Variants in RBMS3 observed in about 807,000 individuals in gnomAD.
RBMS3 encodes the protein RNA binding motif single stranded interacting protein 3.
In RBMS3, 27 loss-of-function variants were observed where a neutral mutation model predicts 66.8. The ratio of observed to expected loss-of-function variants is 0.40; its 90% CI spans 0.30 to 0.56. RBMS3 has a LOEUF of 0.56. Among genes scored for constraint, RBMS3 ranks in the 20% least tolerant of loss-of-function variants. The probability of loss-of-function intolerance (pLI) is 0.40; values close to 1 mark genes in which losing one functional copy is unlikely to be tolerated. For missense variants in RBMS3, 513 were observed against 549.5 expected (o/e 0.93, Z 0.66); for synonymous variants, 188 against 183.0 (o/e 1.03, Z -0.22).
intron 10 of RBMS3, among the ~76,000 whole-genome samples, chr3:29,932,332 G>A (rs772857339): frequency 1.6e-4 from 24 of 152,262 alleles, no homozygotes; most frequent in Non-Finnish European, 3.4e-4. Flanking sequence ...GAGAAACAGC[G>A]TACATAAAAT....
intron 1 of RBMS3, among the ~76,000 whole-genome samples, chr3:29,338,161 CT>C (rs570391868): frequency 5.3e-5 from 8 of 152,040 alleles, no homozygotes; most frequent in African/African-American, 1.4e-4. Context: ...TCTCTTTAAG[CT>C]TTTTTTAAAA....
chr3:29,798,275 G>GGAAGGGAAGGGAAGA (rs2057266679), intron 6 of RBMS3, among the ~76,000 whole-genome samples: 1 of 117,908 alleles, frequency 8.5e-6, no homozygotes, highest in Non-Finnish European at 1.8e-5. Flanking sequence ...GGAAGGGAAG[G>GGAAGGGAAGGGAAGA]GAAGGGAAGG....
intron 1 of RBMS3, among the ~76,000 whole-genome samples, chr3:29,410,329 A>G (rs1488562992): frequency 2.8e-4 from 43 of 152,246 alleles, no homozygotes; most frequent in Admixed American, 2.7e-3. Flanking sequence ...AGCATGAATC[A>G]GCATGAAAGT....
chr3:29,837,109 TG>T (rs1412124912), intron 6 of RBMS3, among the ~76,000 whole-genome samples: 1 of 152,046 alleles, frequency 6.6e-6, no homozygotes, highest in Non-Finnish European at 1.5e-5. Context: ...CAGTGTTACA[TG>T]GGGTCAATCA....
At chr3:29,785,943 C>G (rs2056802260) in intron 6 of RBMS3, among the ~76,000 whole-genome samples, 2 of 151,936 alleles carry the variant, frequency 1.3e-5, no homozygotes, top group Non-Finnish European at 2.9e-5. Flanking sequence ...CTAGAAAACC[C>G]TAAAGACTCA....
intron 4 of RBMS3, among the ~76,000 whole-genome samples, chr3:29,701,629 G>A (rs1253661314): frequency 6.6e-6 from 1 of 152,076 alleles, no homozygotes; most frequent in African/African-American, 2.4e-5. Flanking sequence ...GGCCCTGTGT[G>A]AGTTCTGGGT....
chr3:29,484,010 G>C (rs1248954440), intron 2 of RBMS3, among the ~76,000 whole-genome samples: 1 of 152,210 alleles, frequency 6.6e-6, no homozygotes, highest in Non-Finnish European at 1.5e-5. Context: ...CCAAGGACCA[G>C]GTTCTGGATT....
intron 5 of RBMS3, among the ~76,000 whole-genome samples, chr3:29,741,600 A>G (rs2054650628): frequency 6.6e-6 from 1 of 152,238 alleles, no homozygotes; most frequent in South Asian, 2.1e-4. Flanking sequence ...AAATTCATTA[A>G]GAGCACATAT....
Position 29,659,193 on chromosome 3 carries a change from GA to G in RBMS3, c.399+71989del, listed in dbSNP as rs543261522. On this transcript the variant is annotated intron_variant, in intron 4 of 14. Transcript: ENST00000383767. The stretch of plus-strand genomic sequence containing the variant: ...GAAATGCACATTTTAAATGTACAGA[GA>G]TTTTTTTTCCAATTTTTTATATTGG... 5.3e-5 allele frequency among the ~76,000 whole-genome samples: 8 copies of G among 152,026 alleles called. 1 individual carries two copies. In the South Asian group the frequency reaches 1.7e-3, roughly 32 times the overall value.
intron 1 of RBMS3, among the ~76,000 whole-genome samples, chr3:29,337,101 C>A (rs2036000584): frequency 6.6e-6 from 1 of 152,060 alleles, no homozygotes; most frequent in Non-Finnish European, 1.5e-5. Flanking sequence ...ACCCCCACAG[C>A]TTATCCCTTT....
intron 6 of RBMS3, among the ~76,000 whole-genome samples, chr3:29,785,432 C>G (rs1048401071): frequency 6.6e-6 from 1 of 151,956 alleles, no homozygotes; most frequent in East Asian, 1.9e-4. Context: ...CTAGAAAAAA[C>G]AATCCTAAAA....
intron 4 of RBMS3, 76 bp from the exon 5 acceptor site, chr3:29,739,644 A>T: frequency 1.5e-6 from 2 of 1,336,364 alleles, no homozygotes; most frequent in Non-Finnish European, 2.0e-6. Context: ...ATTGCAGTTT[A>T]AACAAAAGTT....
chr3:29,980,234 C>A (rs1697894229), intron 12 of RBMS3, among the ~76,000 whole-genome samples: 1 of 152,086 alleles, frequency 6.6e-6, no homozygotes. Flanking sequence ...CAAATGTCTT[C>A]TTTTGAGAAG....
intron 6 of RBMS3, among the ~76,000 whole-genome samples, chr3:29,819,863 G>T (rs940174523): frequency 3.3e-5 from 5 of 152,122 alleles, no homozygotes; most frequent in African/African-American, 1.2e-4. Flanking sequence ...GAATTAAAGT[G>T]TCGAAGCCAC....
chr3:29,470,136 T>G (rs988101279), intron 2 of RBMS3, among the ~76,000 whole-genome samples: 2 of 151,324 alleles, frequency 1.3e-5, no homozygotes, highest in Non-Finnish European at 3.0e-5. Flanking sequence ...TATTTGTATA[T>G]AAATAAACTA....
intron 1 of RBMS3, among the ~76,000 whole-genome samples, chr3:29,285,832 C>T (rs1005715714): frequency 3.9e-5 from 6 of 152,218 alleles, no homozygotes; most frequent in Admixed American, 3.9e-4. Context: ...AGAGAGGCTT[C>T]CACGGAGCAA....
chr3:29,771,718 T>C (rs1050824354), intron 6 of RBMS3, among the ~76,000 whole-genome samples: 4 of 151,874 alleles, frequency 2.6e-5, no homozygotes, highest in African/African-American at 9.7e-5. Context: ...ACAGGGTGTA[T>C]AGGAAGTGTG....
At chr3:29,418,831 CCTT>C (rs1227797848) in intron 1 of RBMS3, among the ~76,000 whole-genome samples, 1 of 151,944 alleles carries the variant, frequency 6.6e-6, no homozygotes, top group Non-Finnish European at 1.5e-5. Context: ...TGTTGTTAGT[CCTT>C]CTCTCATTTT....
intron 6 of RBMS3, among the ~76,000 whole-genome samples, chr3:29,861,209 G>C (rs1268714459): frequency 6.6e-6 from 1 of 152,064 alleles, no homozygotes; most frequent in African/African-American, 2.4e-5. Context: ...TTTAGTTTTT[G>C]AGATTCTTTT....
Sources: gnomAD v4.1 joint callset for allele counts (sites outside exome capture counted in the v4.1 genomes callset) on GRCh38, gnomAD v4.1.1 for gene constraint, MANE v1.5 for transcripts, NCBI Gene and HGNC (gene_info 2026-07-23, HGNC 2026-07-21) for gene names.